ZBTB24: variants seen among roughly 807,000 people sequenced by gnomAD.
ZBTB24 encodes zinc finger and BTB domain-containing protein 24.
ZBTB24 carries 32 observed loss-of-function variants against 53.8 expected under a neutral mutation model. The observed-to-expected ratio is 0.60, with a 90% CI of 0.45 to 0.80. ZBTB24 has a LOEUF of 0.80. Ranked by LOEUF, ZBTB24 falls within the 30% of genes least tolerant of loss-of-function variation. The probability of loss-of-function intolerance (pLI) is 0.00; values close to 1 mark genes in which losing one functional copy is unlikely to be tolerated. For synonymous variants in ZBTB24, 297 were observed against 306.7 expected (o/e 0.97, Z 0.33); for missense variants, 722 against 837.1 (o/e 0.86, Z 1.70).
chr6:109,463,723 G>A lies in ZBTB24; in HGVS notation c.*2128C>T, dbSNP rs905067438. On this transcript the variant is annotated 3_prime_UTR_variant, in exon 7 of 7. Coordinates refer to ENST00000230122, the MANE Select transcript of ZBTB24 (RefSeq NM_014797.3). The stretch of plus-strand genomic sequence containing the variant: ...AAGTGTAAAATACACACCAGATTTC[G>A]AAAGCTTAGTATGAAAAAGAGAATG... The A allele has an allele frequency of 6.6e-6, 1 of 152,106 alleles. No individual in the cohort carries two copies. Among genetic ancestry groups the A allele is most frequent in the Non-Finnish European group, 1.5e-5 (1 of 68,018 alleles). The allele number at this position is 152,106 out of a possible 1,614,324, so 9.4% of individuals were successfully genotyped here.
chr6:109,476,307 T>C lies in ZBTB24; in HGVS notation c.1121-49A>G, dbSNP rs376808682. The C allele has an allele frequency of 1.4e-5, 22 of 1,596,724 alleles. No individual in the cohort carries two copies. In the East Asian group the frequency reaches 2.7e-4, roughly 19 times the overall value. Reference sequence around the variant, plus strand: ...AAACATGTAAAAAATTATAAAGAACTGGAATGCTCACTAATAAGGTAAATA... The same window carrying C: ...AAACATGTAAAAAATTATAAAGAACCGGAATGCTCACTAATAAGGTAAATA... On this transcript the variant is annotated intron_variant, in intron 3 of 6. Coordinates refer to ENST00000230122, the MANE Select transcript of ZBTB24 (RefSeq NM_014797.3).
intron 2 of ZBTB24, among the ~76,000 whole-genome samples, chr6:109,480,195 GAA>G (rs964180229): frequency 3.3e-5 from 5 of 152,226 alleles, no homozygotes; most frequent in African/African-American, 1.2e-4. Context: ...GATCACAGGA[GAA>G]GACTTAAGCC....
Position 109,481,256 on chromosome 6 carries a change from C to T in ZBTB24, c.771G>A (p.Arg257=). Reference sequence around the variant, plus strand: ...CTTTAAGTTTGACGGATCTCCAAATCCTCCGCTTGCTGTATCGACTCTGGC... The same window carrying T: ...CTTTAAGTTTGACGGATCTCCAAATTCTCCGCTTGCTGTATCGACTCTGGC... ...QASQSRYSKR[R]IWRSVKLKDY... Residue 257 remains arginine (R), a synonymous_variant, in exon 2 of 7, where the codon AGG becomes AGA. Transcript: ENST00000230122. 6.2e-7 allele frequency: 1 copy of T among 1,614,228 alleles called. No individual in the cohort carries two copies. Among genetic ancestry groups the T allele is most frequent in the Admixed American group, 1.7e-5 (1 of 60,026 alleles).
intron 5 of ZBTB24, among the ~76,000 whole-genome samples, chr6:109,474,970 G>T (rs1166051647): frequency 6.6e-6 from 1 of 150,758 alleles, no homozygotes; most frequent in Non-Finnish European, 1.5e-5. Context: ...CTCAGCCCAG[G>T]AGGTCAAGGC....
chr6:109,482,481 A>G (rs1280127880), intron 1 of ZBTB24, among the ~76,000 whole-genome samples: 1 of 148,232 alleles, frequency 6.7e-6, no homozygotes, highest in Non-Finnish European at 1.5e-5. Context: ...AACAAAAACA[A>G]AACAACTTAG....
Position 109,481,324 on chromosome 6 carries a change from T to C in ZBTB24, c.703A>G (p.Lys235Glu). 6.2e-7 allele frequency: 1 copy of C among 1,614,224 alleles called. No individual in the cohort carries two copies. The highest frequency in any genetic ancestry group is 8.5e-7 in the Non-Finnish European group (1 of 1,180,042). ...GTCTTGGGATCATAGTTCTCATCTT[T>C]TTCAACTGGCATTTCCTCCTCTCTA... Reference protein sequence around the residue: ...PSREEEMPVEKDENYDPKTED... With the variant: ...PSREEEMPVEEDENYDPKTED... Residue 235 changes from lysine (K) to glutamate (E), a missense_variant, in exon 2 of 7, where the codon AAA (lysine) becomes GAA (glutamate). Transcript: ENST00000230122.
In ZBTB24 at chr6:109,466,274, G is replaced by A. The variant is rs751770502; in HGVS notation, c.1671C>T (p.Thr557=). The A allele has an allele frequency of 3.1e-6, 5 of 1,614,164 alleles. No individual in the cohort carries two copies. Among genetic ancestry groups the A allele is most frequent in the East Asian group, 4.5e-5 (2 of 44,880 alleles). The change falls in exon 7 of 7, where the codon ACC becomes ACT. Residue 557 remains threonine (T), a synonymous_variant. Transcript: ENST00000230122. The part of the protein sequence containing the change: ...SGEQEIQLLV[T]DSVHNINFMP... ...TGAAATTGATGTTATGTACAGAATCGGTTACGAGAAGCTGAATTTCCTGCT... is the reference window on the plus strand; with the variant it reads ...TGAAATTGATGTTATGTACAGAATCAGTTACGAGAAGCTGAATTTCCTGCT...
intron 5 of ZBTB24, among the ~76,000 whole-genome samples, chr6:109,469,576 C>T (rs1226082504): frequency 6.6e-6 from 1 of 152,186 alleles, no homozygotes; most frequent in Non-Finnish European, 1.5e-5. Flanking sequence ...ACAGCTCTAC[C>T]ACCTTCAATG....
intron 5 of ZBTB24, among the ~76,000 whole-genome samples, chr6:109,473,547 C>T (rs914991974): frequency 2.0e-5 from 3 of 152,178 alleles, no homozygotes; most frequent in African/African-American, 7.2e-5. Flanking sequence ...GCATCCCGCC[C>T]CCTTACCTTG....
At chr6:109,469,751 C>T (rs549507358) in intron 5 of ZBTB24, among the ~76,000 whole-genome samples, 10 of 152,288 alleles carry the variant, frequency 6.6e-5, no homozygotes, top group Non-Finnish European at 1.0e-4. Flanking sequence ...AAACGAGTGG[C>T]GTCAACAATT....
rs763916544 is a variant in ZBTB24, at chr6:109,475,478, G to A, written c.1209C>T (p.His403=). 2.4e-5 allele frequency: 39 copies of A among 1,614,150 alleles called. No individual in the cohort carries two copies. The South Asian group carries it at 4.0e-4, about 16-fold the overall frequency. ...GGCAGTCTTTGCATTCCGGTAATGA[G>A]TGGCCTTGTCGCAACAATAAAAAAA... ...LKSHYRVHTG[H]SLPECKDCHR... Residue 403 remains histidine, a synonymous_variant, in exon 5 of 7, where the codon CAC becomes CAT. Transcript: ENST00000230122.
At chr6:109,478,354 C>G (rs1167059088) in intron 2 of ZBTB24, among the ~76,000 whole-genome samples, 1 of 152,178 alleles carries the variant, frequency 6.6e-6, no homozygotes, top group Admixed American at 6.5e-5. Flanking sequence ...TATATAAGCT[C>G]TGAAAAATTC....
chr6:109,466,431 A>C lies in ZBTB24; in HGVS notation c.1514T>G (p.Leu505Trp), dbSNP rs1258710902. 1.9e-6 allele frequency: 3 copies of C among 1,614,052 alleles called. No individual in the cohort carries two copies. The African/African-American group carries it at 4.0e-5, about 22-fold the overall frequency. The change falls in exon 7 of 7, where the codon TTG (leucine) becomes TGG (tryptophan). Residue 505 changes from leucine to tryptophan, a missense_variant. Physicochemically the swap from Leu to Trp is moderately conservative, Grantham distance 61 (BLOSUM62 -2). Transcript: ENST00000230122. The part of the protein sequence containing the change: ...CNLQFARLDN[L>W]KAHLKIHSKE... The stretch of plus-strand genomic sequence containing the variant: ...GCTATGAATTTTCAAGTGAGCCTTC[A>C]AGTTGTCTAAGCGAGCAAACTGTAA...
In ZBTB24 at chr6:109,472,572, A is replaced by G. The variant is rs543772887; in HGVS notation, c.1288+2827T>C. On this transcript the variant is annotated intron_variant, in intron 5 of 6. Coordinates refer to ENST00000230122, the MANE Select transcript of ZBTB24 (RefSeq NM_014797.3). ...TGCTCAGCATGACCAAGCCAGCTCC[A>G]CGCTCCTCCACCACCGCTGTCTCCC... Among the ~76,000 whole-genome samples, 30 of 152,144 alleles carry G rather than the reference A, an allele frequency of 2.0e-4. 1 individual carries two copies. In the South Asian group the frequency reaches 5.6e-3, roughly 28 times the overall value.
chr6:109,466,058 G>A lies in ZBTB24; in HGVS notation c.1887C>T (p.Pro629=), dbSNP rs1391961545. Residue 629 remains proline, a synonymous_variant, in exon 7 of 7, where the codon CCC becomes CCT. Coordinates refer to ENST00000230122, the MANE Select transcript of ZBTB24 (RefSeq NM_014797.3). The part of the protein sequence containing the change: ...SLNMIESQMG[P]SQTEPVHVIT... ...TCACGTGCACTGGCTCTGTTTGTGA[G>A]GGCCCCATCTGGCTTTCAATCATAT... 1 of 1,614,192 alleles carries A rather than the reference G, an allele frequency of 6.2e-7. No individual in the cohort carries two copies. Among genetic ancestry groups the A allele is most frequent in the South Asian group, 1.1e-5 (1 of 91,084 alleles).
chr6:109,475,618 A>G, intron 4 of ZBTB24, 136 bp from the exon 5 acceptor site: 1 of 987,766 alleles, frequency 1.0e-6, no homozygotes, highest in African/African-American at 1.6e-5. Flanking sequence ...TTTTTCATTA[A>G]TTTGGTAACT....
Position 109,481,822 on chromosome 6 carries a change from C to G in ZBTB24, c.205G>C (p.Glu69Gln). ...SEYFSMMFAE[E>Q]GEIGQSIYML... is the part of the protein sequence containing the mutation. ...TAAATGGATTGGCCGATTTCCCCCT[C>G]TTCTGCAAACATCATTGAGAAGTAT... Residue 69 changes from glutamate (E) to glutamine (Q), a missense_variant, in exon 2 of 7, where the codon GAG (glutamate) becomes CAG (glutamine). By Grantham distance (29) the Glu-to-Gln change is conservative (BLOSUM62 2). Transcript: ENST00000230122. 6.2e-7 allele frequency: 1 copy of G among 1,614,222 alleles called. No individual in the cohort carries two copies. Among genetic ancestry groups the G allele is most frequent in the Non-Finnish European group, 8.5e-7 (1 of 1,180,042 alleles).
intron 5 of ZBTB24, among the ~76,000 whole-genome samples, chr6:109,469,716 T>G (rs749171170): frequency 2.6e-5 from 4 of 152,176 alleles, no homozygotes; most frequent in African/African-American, 9.7e-5. Flanking sequence ...TTAAGTAACA[T>G]AGGGCTGTGT....
Position 109,467,656 on chromosome 6 carries a change from T to C in ZBTB24, c.1367A>G (p.His456Arg). 5 of 1,614,100 alleles carry C rather than the reference T, an allele frequency of 3.1e-6. No homozygotes were observed. Among genetic ancestry groups the C allele is most frequent in the Non-Finnish European group, 4.2e-6 (5 of 1,180,012 alleles). The change falls in exon 6 of 7, where the codon CAT (histidine) becomes CGT (arginine). Residue 456 changes from histidine (H) to arginine (R), a missense_variant. By Grantham distance (29) the His-to-Arg change is conservative. Transcript: ENST00000230122. ...KSSLQTHIRI[H>R]RGEKPYSCGI... Reference sequence around the variant, plus strand: ...AAAAATATCTGCAAAACTTTACCGATGGATTCTGATGTGGGTCTGAAGAGA... The same window carrying C: ...AAAAATATCTGCAAAACTTTACCGACGGATTCTGATGTGGGTCTGAAGAGA...
Sources: gnomAD v4.1 joint callset for allele counts (sites outside exome capture counted in the v4.1 genomes callset) on GRCh38, gnomAD v4.1.1 for gene constraint, MANE v1.5 for transcripts, NCBI Gene and HGNC (gene_info 2026-07-23, HGNC 2026-07-21) for gene names.